Variants in P2RY6 observed in about 807,000 individuals in gnomAD.
P2RY6 encodes pyrimidinergic receptor P2Y6, also known as P2Y purinoceptor 6.
A neutral mutation model predicts 16.3 loss-of-function variants in P2RY6; 19 were observed. The observed-to-expected ratio is 1.16, with a 90% confidence interval of 0.81 to 1.71. P2RY6 has a LOEUF of 1.71. Ranked by LOEUF, P2RY6 falls within the 40% of genes most tolerant of loss-of-function variation. The pLI is 0.00. For synonymous variants in P2RY6, 184 were observed against 201.5 expected (o/e 0.91, Z 0.74); for missense variants, 389 against 455.5 (o/e 0.85, Z 1.33).
Position 73,297,618 on chromosome 11 carries a change from T to C in P2RY6, c.*113T>C, listed in dbSNP as rs1864569781. The C allele has an allele frequency of 2.4e-6, 2 of 831,676 alleles. No homozygotes were observed. Among genetic ancestry groups the C allele is most frequent in the Admixed American group, 5.5e-5 (2 of 36,660 alleles). The allele number at this position is 831,676 out of a possible 1,614,324, so 51.5% of individuals were successfully genotyped here. ...GAGTTCAGCTCAGCTGGGCATGGAG[T>C]TAAGATCCCTCACAGGACCCAGAAG... On this transcript the variant is annotated 3_prime_UTR_variant, in exon 3 of 3. Transcript: ENST00000540124.
chr11:73,291,738 C>G (rs1195460611), intron 1 of P2RY6, among the ~76,000 whole-genome samples: 1 of 152,240 alleles, frequency 6.6e-6, no homozygotes, highest in Non-Finnish European at 1.5e-5. Flanking sequence ...CTGCACCTCC[C>G]AGGGTAGAAG....
intron 2 of P2RY6, among the ~76,000 whole-genome samples, chr11:73,296,231 A>AT (rs1428431818): frequency 0.015 from 1,870 of 122,870 alleles, 20 homozygotes; most frequent in Middle Eastern, 0.031. Context: ...AGGAAAAAAA[A>AT]AAATATATAT....
rs1366292554 is a variant in P2RY6, at chr11:73,298,271, C to A, written c.*766C>A. 6.0e-6 allele frequency: 1 copy of A among 167,168 alleles called. No homozygotes were observed. The highest frequency in any genetic ancestry group is 1.9e-4 in the East Asian group (1 of 5,208). 10.4% of individuals were successfully genotyped at this position (167,168 alleles called of 1,614,324 possible). ...CAACCCAGGTATGCTCCATGCATAT[C>A]CAGCTGGGCCAGCCTCGTGCTGGGC... On this transcript the variant is annotated 3_prime_UTR_variant, in exon 3 of 3. Coordinates refer to ENST00000540124, the MANE Select transcript of P2RY6 (RefSeq NM_001277204.2).
Position 73,297,151 on chromosome 11 carries a change from C to T in P2RY6, c.633C>T (p.Cys211=), listed in dbSNP as rs761196055. Reference sequence around the variant, plus strand: ...TGCCCTTTGCTGCCCTGCTGGCCTGCTACTGTCTCCTGGCCTGCCGCCTGT... The same window carrying T: ...TGCCCTTTGCTGCCCTGCTGGCCTGTTACTGTCTCCTGGCCTGCCGCCTGT... ...FLLPFAALLA[C]YCLLACRLCR... Residue 211 remains cysteine (C), a synonymous_variant, in exon 3 of 3, where the codon TGC becomes TGT. Transcript: ENST00000540124. 1 of 1,604,940 alleles carries T rather than the reference C, an allele frequency of 6.2e-7. No individual in the cohort carries two copies. Among genetic ancestry groups the T allele is most frequent in the South Asian group, 1.1e-5 (1 of 91,090 alleles).
At chr11:73,268,695 G>T (rs11235706), upstream of P2RY6, among the ~76,000 whole-genome samples, 2 of 152,108 alleles carry the variant, frequency 1.3e-5, no homozygotes, top group East Asian at 1.9e-4. Flanking sequence ...CTTGAAGTGG[G>T]CCAACTCTTT....
upstream of P2RY6, among the ~76,000 whole-genome samples, chr11:73,268,935 C>T (rs1863193884): frequency 6.6e-6 from 1 of 152,200 alleles, no homozygotes; most frequent in Non-Finnish European, 1.5e-5. Context: ...TCATGTGGAT[C>T]GGAACAGCTC....
Position 73,296,755 on chromosome 11 carries a change from GC to G in P2RY6, c.241del (p.Leu81CysfsTer66). 6.2e-7 allele frequency: 1 copy of G among 1,613,052 alleles called. No individual in the cohort carries two copies. Among genetic ancestry groups the G allele is most frequent in the Non-Finnish European group, 8.5e-7 (1 of 1,180,034 alleles). On this transcript the variant is annotated frameshift_variant, in exon 3 of 3. Coordinates refer to ENST00000540124, the MANE Select transcript of P2RY6 (RefSeq NM_001277204.2). LOFTEE classifies it high-confidence loss of function. Reference sequence around the variant, plus strand: ...CTGACCTGCTATATGCCTGCTCCCTGCCCCTGCTCATCTACAACTATGCCCA... The same window carrying G: ...CTGACCTGCTATATGCCTGCTCCCTGCCCTGCTCATCTACAACTATGCCCA... ...LADLLYACSL[P>X]LLIYNYAQGD...
chr11:73,284,409 A>G (rs1863884265), intron 1 of P2RY6, among the ~76,000 whole-genome samples: 1 of 151,956 alleles, frequency 6.6e-6, no homozygotes, highest in African/African-American at 2.4e-5. Context: ...GTGCAGAGGG[A>G]GTGATCCTGT....
chr11:73,297,220 T>G lies in P2RY6; in HGVS notation c.702T>G (p.Arg234=). The G allele has an allele frequency of 6.2e-7, 1 of 1,603,290 alleles. No homozygotes were observed. Among genetic ancestry groups the G allele is most frequent in the Non-Finnish European group, 8.5e-7 (1 of 1,179,484 alleles). Residue 234 remains arginine, a synonymous_variant, in exon 3 of 3, where the codon CGT becomes CGG. Coordinates refer to ENST00000540124, the MANE Select transcript of P2RY6 (RefSeq NM_001277204.2). ...CAGAGCCTGTGGCCCAGGAGCGGCG[T>G]GGCAAGGCGGCCCGCATGGCCGTGG... The part of the protein sequence containing the change: ...GPAEPVAQER[R]GKAARMAVVV...
intron 1 of P2RY6, among the ~76,000 whole-genome samples, chr11:73,293,916 C>T (rs1209442772): frequency 6.6e-6 from 1 of 152,132 alleles, no homozygotes; most frequent in Non-Finnish European, 1.5e-5. Flanking sequence ...CTAGCATGTT[C>T]TCCTCCTCAC....
At chr11:73,291,263 G>T (rs1299542687) in intron 1 of P2RY6, among the ~76,000 whole-genome samples, 2 of 152,186 alleles carry the variant, frequency 1.3e-5, no homozygotes, top group African/African-American at 4.8e-5. Flanking sequence ...AGGTTGCAGG[G>T]ACTGAGACCA....
upstream of P2RY6, chr11:73,271,409 C>T (rs1467132812): frequency 6.6e-6 from 1 of 152,194 alleles, no homozygotes; most frequent in Non-Finnish European, 1.5e-5. Context: ...AATCTGAGCT[C>T]GTCAGGTGCT....
chr11:73,284,523 A>G (rs1426339914), intron 1 of P2RY6, among the ~76,000 whole-genome samples: 1 of 152,126 alleles, frequency 6.6e-6, no homozygotes, highest in Non-Finnish European at 1.5e-5. Flanking sequence ...CTCAGCTGGG[A>G]CTGTTCACAG....
upstream of P2RY6, among the ~76,000 whole-genome samples, chr11:73,271,251 A>G (rs7123808): frequency 0.17 from 26,053 of 151,912 alleles, 2,514 homozygotes; most frequent in African/African-American, 0.26. Context: ...GGAGGGGAGG[A>G]TTGCCTGGGG....
intron 1 of P2RY6, among the ~76,000 whole-genome samples, chr11:73,274,557 A>G (rs531146564): frequency 6.5e-4 from 99 of 151,318 alleles, no homozygotes; most frequent in African/African-American, 2.3e-3. Flanking sequence ...AAAAAAAAAG[A>G]AAGAAAGAAA....
upstream of P2RY6, chr11:73,271,594 T>C (rs1863311421): frequency 6.6e-6 from 1 of 152,210 alleles, no homozygotes; most frequent in Non-Finnish European, 1.5e-5. Context: ...CTGGAATCTA[T>C]AGATAACAAC....
chr11:73,296,911 G>C lies in P2RY6; in HGVS notation c.393G>C (p.Pro131=). 1 of 1,609,056 alleles carries C rather than the reference G, an allele frequency of 6.2e-7. No homozygotes were observed. The highest frequency in any genetic ancestry group is 8.5e-7 in the Non-Finnish European group (1 of 1,180,006). The change falls in exon 3 of 3, where the codon CCG becomes CCC. Residue 131 remains proline, a synonymous_variant. Transcript: ENST00000540124. ...AGCGCTACCTGGGCATCTGCCACCC[G>C]CTGGCCCCCTGGCACAAACGTGGGG... ...SFQRYLGICH[P]LAPWHKRGGR...
chr11:73,297,347 G>C lies in P2RY6; in HGVS notation c.829G>C (p.Glu277Gln), dbSNP rs753700391. ...GCCGGGCGTCCCCTGCACTGTATTGGAGGCCTTTGCAGCGGCCTACAAAGG... is the reference window on the plus strand; with the variant it reads ...GCCGGGCGTCCCCTGCACTGTATTGCAGGCCTTTGCAGCGGCCTACAAAGG... ...STPGVPCTVLEAFAAAYKGTR... is the reference protein window; with the variant it reads ...STPGVPCTVLQAFAAAYKGTR... Residue 277 changes from glutamate (E) to glutamine (Q), a missense_variant, in exon 3 of 3, where the codon GAG becomes CAG. By Grantham distance (29) the Glu-to-Gln change is conservative (BLOSUM62 2). Coordinates refer to ENST00000540124, the MANE Select transcript of P2RY6 (RefSeq NM_001277204.2). 5.0e-6 allele frequency: 8 copies of C among 1,612,340 alleles called. No individual in the cohort carries two copies. The Admixed American group carries it at 1.3e-4, about 27-fold the overall frequency.
At chr11:73,271,754 T>A (rs1863320477), upstream of P2RY6, 1 of 152,280 alleles carries the variant, frequency 6.6e-6, no homozygotes, top group African/African-American at 2.4e-5. Flanking sequence ...TTAGTTTCGC[T>A]TCTCTTTCCT....
Sources: gnomAD v4.1 joint callset for allele counts (sites outside exome capture counted in the v4.1 genomes callset) on GRCh38, gnomAD v4.1.1 for gene constraint, MANE v1.5 for transcripts, NCBI Gene and HGNC (gene_info 2026-07-23, HGNC 2026-07-21) for gene names.